The following COL14A1 variants were observed in gnomAD, a reference collection of about 807,000 sequenced individuals.
The protein encoded by COL14A1 is collagen type XIV alpha 1 chain.
In COL14A1, 136 loss-of-function variants were observed where a neutral mutation model predicts 230.3. That is an observed-to-expected ratio of 0.59 (90% CI 0.51 to 0.68). The LOEUF is 0.68. Among genes scored for constraint, COL14A1 ranks in the 30% least tolerant of loss-of-function variants. The pLI, the probability that COL14A1 is intolerant of heterozygous loss-of-function variation, is 0.00. For missense variants in COL14A1, 1,976 were observed against 2,215.8 expected (o/e 0.89, Z 2.17); for synonymous variants, 792 against 784.1 (o/e 1.01, Z -0.17).
At chr8:120,181,992 A>G (rs990952271) in intron 5 of COL14A1, among the ~76,000 whole-genome samples, 1 of 152,074 alleles carries the variant, frequency 6.6e-6, no homozygotes, top group African/African-American at 2.4e-5. Context: ...TGCACTCCTG[A>G]TGACAATCAG....
intron 4 of COL14A1, among the ~76,000 whole-genome samples, chr8:120,166,959 G>T (rs980185665): frequency 2.0e-5 from 3 of 150,182 alleles, no homozygotes; most frequent in Non-Finnish European, 3.0e-5. Flanking sequence ...GCTCCAAAGT[G>T]CCAATGCTTA....
At chr8:120,172,005 G>A (rs1184956074) in intron 5 of COL14A1, among the ~76,000 whole-genome samples, 1 of 151,844 alleles carries the variant, frequency 6.6e-6, no homozygotes, top group Non-Finnish European at 1.5e-5. Context: ...AATTACATTT[G>A]CTTCTTTTTC....
At chr8:120,178,937 T>G (rs544176566) in intron 5 of COL14A1, among the ~76,000 whole-genome samples, 2 of 152,304 alleles carry the variant, frequency 1.3e-5, no homozygotes, top group East Asian at 1.9e-4. Flanking sequence ...TTTGTAAATT[T>G]GTTTAAGTTC....
intron 1 of COL14A1, among the ~76,000 whole-genome samples, chr8:120,130,889 A>G (rs1440999441): frequency 1.3e-5 from 2 of 152,104 alleles, no homozygotes; most frequent in East Asian, 3.9e-4. Flanking sequence ...TTCCCTCGCT[A>G]TTAGTCCCCA....
intron 45 of COL14A1, among the ~76,000 whole-genome samples, chr8:120,348,306 C>CATATAT (rs375948231): frequency 3.6e-5 from 5 of 138,714 alleles, no homozygotes; most frequent in African/African-American, 1.3e-4. Flanking sequence ...ATATATAAAG[C>CATATAT]ATATATATAT....
At chr8:120,235,262 T>G (rs915423783) in intron 19 of COL14A1, among the ~76,000 whole-genome samples, 37 of 152,198 alleles carry the variant, frequency 2.4e-4, no homozygotes, top group Admixed American at 6.5e-5. Flanking sequence ...CTCCTCCTCC[T>G]GGGTTCCAGC....
Position 120,278,097 on chromosome 8 carries a change from C to A in COL14A1, c.3214-14C>A, listed in dbSNP as rs1819909622. On this transcript the variant is annotated splice_polypyrimidine_tract_variant and intron_variant, in intron 26 of 47. Transcript: ENST00000297848. The stretch of plus-strand genomic sequence containing the variant: ...CTACATATGTGTGAAAATGAATACA[C>A]CTTCTCTCTCCAGGTTGCAATGGTT... 1 of 1,594,652 alleles carries A rather than the reference C, an allele frequency of 6.3e-7. No individual in the cohort carries two copies. The highest frequency in any genetic ancestry group is 1.1e-5 in the South Asian group (1 of 87,286).
Position 120,225,190 on chromosome 8 carries a change from C to T in COL14A1, c.1840C>T (p.Pro614Ser). 1 of 1,611,948 alleles carries T rather than the reference C, an allele frequency of 6.2e-7. No homozygotes were observed. Among genetic ancestry groups the T allele is most frequent in the Non-Finnish European group, 8.5e-7 (1 of 1,179,164 alleles). ...CATCTATGATGAAGGACAGTCAGAG[C>T]CTCTGACTGGAGTTTTTACCACCGG... is the stretch of plus-strand genomic sequence containing the variant. ...FSIYDEGQSE[P>S]LTGVFTTEEV... Residue 614 changes from proline (P) to serine (S), a missense_variant, in exon 15 of 48, where the codon CCT becomes TCT. By Grantham distance (74) the Pro-to-Ser change is moderately conservative. Transcript: ENST00000297848.
chr8:120,251,418 C>T (rs1156261632), intron 22 of COL14A1, among the ~76,000 whole-genome samples: 1 of 152,166 alleles, frequency 6.6e-6, no homozygotes, highest in Non-Finnish European at 1.5e-5. Flanking sequence ...CACTCCACCC[C>T]CTTGCACGTG....
rs569134057 is a variant in COL14A1, at chr8:120,315,443, G to C, written c.4552-90G>C. ...GATGTTAGTGCAAACGCGATTTACT[G>C]TGGAAACTATTTAAATAATGAGAGA... On this transcript the variant is annotated intron_variant, in intron 38 of 47. Coordinates refer to ENST00000297848, the MANE Select transcript of COL14A1 (RefSeq NM_021110.4). 26 of 928,438 alleles carry C rather than the reference G, an allele frequency of 2.8e-5. No homozygotes were observed. The Admixed American group carries it at 3.6e-4, about 13-fold the overall frequency. The allele number at this position is 928,438 out of a possible 1,614,324, so 57.5% of individuals were successfully genotyped here. A position where few individuals can be genotyped will look rare whatever the true frequency, so the allele number is the denominator to read the frequency against.
At position 120,199,531 on chromosome 8, in the gene COL14A1, A is replaced by G. The variant is rs1257204116; in HGVS notation, c.842A>G (p.Asn281Ser). 1 of 1,613,032 alleles carries G rather than the reference A, an allele frequency of 6.2e-7. No individual in the cohort carries two copies. The highest frequency in any genetic ancestry group is 2.2e-5 in the East Asian group (1 of 44,828). Residue 281 changes from asparagine to serine, a missense_variant, in exon 8 of 48, where the codon AAT (asparagine) becomes AGT (serine). Coordinates refer to ENST00000297848, the MANE Select transcript of COL14A1 (RefSeq NM_021110.4). ...GATGACATTATTCCACCATCTAGAAATCTTCGTGAGTCTGGTGTAGAACTG... is the reference window on the plus strand; with the variant it reads ...GATGACATTATTCCACCATCTAGAAGTCTTCGTGAGTCTGGTGTAGAACTG... ...SQDDIIPPSR[N>S]LRESGVELFA...
intron 40 of COL14A1, among the ~76,000 whole-genome samples, chr8:120,327,714 G>A (rs1158116171): frequency 2.0e-5 from 3 of 151,706 alleles, no homozygotes; most frequent in Admixed American, 6.6e-5. Context: ...TCTTCGATGT[G>A]ATAAGTAGAG....
At chr8:120,295,000 G>A (rs1014477168) in intron 34 of COL14A1, among the ~76,000 whole-genome samples, 4 of 151,824 alleles carry the variant, frequency 2.6e-5, no homozygotes, top group Admixed American at 1.3e-4. Flanking sequence ...ACTGTTATAG[G>A]TGGTTAGGTG....
At chr8:120,203,997 G>A in intron 9 of COL14A1, 127 bp downstream of exon 9, 2 of 829,776 alleles carry the variant, frequency 2.4e-6, no homozygotes, top group Non-Finnish European at 3.5e-6. Flanking sequence ...CCTAAGACCT[G>A]AGCCGTCAGA....
intron 36 of COL14A1, among the ~76,000 whole-genome samples, chr8:120,302,416 T>C (rs147671464): frequency 0.016 from 2,417 of 152,316 alleles, 33 homozygotes; most frequent in Middle Eastern, 0.048. Context: ...TTAGTCTTTG[T>C]ATATGGTGTA....
intron 37 of COL14A1, among the ~76,000 whole-genome samples, chr8:120,311,311 G>T (rs1366755197): frequency 1.3e-5 from 2 of 152,116 alleles, no homozygotes; most frequent in Non-Finnish European, 2.9e-5. Context: ...ATGCCCCTCT[G>T]CTCCTATAGA....
chr8:120,200,740 T>TATATA (rs1817217824), intron 8 of COL14A1, among the ~76,000 whole-genome samples: 1 of 70,914 alleles, frequency 1.4e-5, no homozygotes, highest in South Asian at 4.2e-4. Flanking sequence ...TATATATATA[T>TATATA]ATATATATAT....
chr8:120,287,592 A>G lies in COL14A1; in HGVS notation c.4077+1622A>G, dbSNP rs539926288. The stretch of plus-strand genomic sequence containing the variant: ...GAAGGTTAAGCTTTATTTCCTTACC[A>G]GAAGAACTCAAGAAGTGAGGTTCAT... On this transcript the variant is annotated intron_variant, in intron 33 of 47. Coordinates refer to ENST00000297848, the MANE Select transcript of COL14A1 (RefSeq NM_021110.4). Among the ~76,000 whole-genome samples, 4 of 152,332 alleles carry G rather than the reference A, an allele frequency of 2.6e-5. No homozygotes were observed. The East Asian group carries it at 7.7e-4, about 29-fold the overall frequency.
At chr8:120,191,073 T>A (rs1209741125) in intron 5 of COL14A1, among the ~76,000 whole-genome samples, 6 of 141,008 alleles carry the variant, frequency 4.3e-5, no homozygotes, top group Non-Finnish European at 9.1e-5. Context: ...TAGTTATTTC[T>A]TGCCTTCTGC....
Sources: gnomAD v4.1 joint callset for allele counts (sites outside exome capture counted in the v4.1 genomes callset) on GRCh38, gnomAD v4.1.1 for gene constraint, MANE v1.5 for transcripts, NCBI Gene and HGNC (gene_info 2026-07-23, HGNC 2026-07-21) for gene names.